The following DDX41 variants were observed in gnomAD, a reference collection of about 807,000 sequenced individuals.
DDX41 encodes probable ATP-dependent RNA helicase DDX41.
Under a neutral mutation model 78.8 loss-of-function variants are expected in DDX41, and 50 were observed. The observed-to-expected ratio is 0.63, with a 90% CI of 0.51 to 0.80. The LOEUF (loss-of-function observed/expected upper bound fraction) is 0.80. Ranked by LOEUF, DDX41 falls within the 30% of genes least tolerant of loss-of-function variation. DDX41 has a pLI of 0.00. For missense variants in DDX41, 633 were observed against 849.2 expected (o/e 0.75, Z 3.16); for synonymous variants, 381 against 321.5 (o/e 1.19, Z -1.98).
chr5:177,513,870 G>T lies in DDX41; in HGVS notation c.936-23C>A, dbSNP rs335439. 1.2e-6 allele frequency: 2 copies of T among 1,612,098 alleles called. No homozygotes were observed. The highest frequency in any genetic ancestry group is 1.3e-5 in the African/African-American group (1 of 74,992). Reference sequence around the variant, plus strand: ...CCGCTGGGGACCAAGGAGAGACCCTGAGGTTGGGGCCACTGGCCTATCACC... The same window carrying T: ...CCGCTGGGGACCAAGGAGAGACCCTTAGGTTGGGGCCACTGGCCTATCACC... On this transcript the variant is annotated intron_variant, in intron 9 of 16. Coordinates refer to ENST00000330503, the MANE Select transcript of DDX41 (RefSeq NM_016222.4). The surrounding 1 kb of genome is among the most constrained non-coding windows in gnomAD (Gnocchi z 4.6).
chr5:177,511,667 C>T lies in DDX41; in HGVS notation c.*124G>A. On this transcript the variant is annotated 3_prime_UTR_variant, in exon 17 of 17. Coordinates refer to ENST00000330503, the MANE Select transcript of DDX41 (RefSeq NM_016222.4). ...AGCACAGGGAACAGGCAGCCAGGACCAGCCTGGCCCATCCCAGGCCAGCTG... is the reference window on the plus strand; with the variant it reads ...AGCACAGGGAACAGGCAGCCAGGACTAGCCTGGCCCATCCCAGGCCAGCTG... The T allele has an allele frequency of 7.5e-6, 10 of 1,330,612 alleles. No individual in the cohort carries two copies. The highest frequency in any genetic ancestry group is 1.0e-5 in the Non-Finnish European group (10 of 954,500). 82.4% of individuals were successfully genotyped at this position (1,330,612 alleles called of 1,614,324 possible).
chr5:177,516,699 T>A, intron 2 of DDX41, 26 bp downstream of exon 2: 1 of 1,563,852 alleles, frequency 6.4e-7, no homozygotes, highest in Non-Finnish European at 8.7e-7. Context: ...CACGGCCCCA[T>A]CCCTCCCCGG....
intron 12 of DDX41, 28 bp downstream of exon 12, chr5:177,512,983 G>A (rs201683586): frequency 1.9e-4 from 308 of 1,612,712 alleles, no homozygotes; most frequent in Non-Finnish European, 2.5e-4. Flanking sequence ...TGGGGACTCT[G>A]GCCCCGGCCT....
At chr5:177,515,478 A>C in intron 6 of DDX41, 1 of 868,922 alleles carries the variant, frequency 1.2e-6, no homozygotes, top group Non-Finnish European at 1.8e-6. Flanking sequence ...GCCCAATGGC[A>C]CTTTCCTCCT....
In DDX41 at chr5:177,516,562, C is replaced by T. The variant is rs746561815; in HGVS notation, c.139-115G>A. The T allele has an allele frequency of 1.5e-5, 21 of 1,443,734 alleles. No homozygotes were observed. The South Asian group carries it at 2.3e-4, about 16-fold the overall frequency. 89.4% of individuals were successfully genotyped at this position (1,443,734 alleles called of 1,614,324 possible). ...GCCCGAGGCGCAAAGCTGCCCTACC[C>T]CTCAGATCAAGCCGTCGGTCCCTCG... is the stretch of plus-strand genomic sequence containing the variant. On this transcript the variant is annotated intron_variant, in intron 2 of 16. Transcript: ENST00000330503.
Position 177,512,999 on chromosome 5 carries a change from G to A in DDX41, c.1302+12C>T. ...GGGGACTCTGGCCCCGGCCTGGCCT[G>A]GCTGCACTCACAGGCGGGGGTGTCT... On this transcript the variant is annotated intron_variant, in intron 12 of 16. Coordinates refer to ENST00000330503, the MANE Select transcript of DDX41 (RefSeq NM_016222.4). 1.2e-6 allele frequency: 2 copies of A among 1,613,650 alleles called. No homozygotes were observed. Among genetic ancestry groups the A allele is most frequent in the East Asian group, 2.2e-5 (1 of 44,880 alleles).
rs534618428 is a variant in DDX41 at position 177,516,671 on chromosome 5, C to T, written c.138+54G>A. The T allele has an allele frequency of 4.6e-6, 7 of 1,529,470 alleles. No individual in the cohort carries two copies. In the East Asian group the frequency reaches 1.5e-4, roughly 32 times the overall value. The allele number at this position is 1,529,470 out of a possible 1,614,324, so 94.7% of individuals were successfully genotyped here. A position where few individuals can be genotyped will look rare whatever the true frequency, so the allele number is the denominator to read the frequency against. On this transcript the variant is annotated intron_variant, in intron 2 of 16. Transcript: ENST00000330503. ...CCACGGAGGCCGAGGCCACGCCCGC[C>T]CCCTGCGACCCCGCGGTCACGGCCC...
In DDX41 at chr5:177,511,943, CAG is replaced by C. The variant is rs751885147; in HGVS notation, c.1733-18_1733-17del. On this transcript the variant is annotated splice_polypyrimidine_tract_variant and intron_variant, in intron 16 of 16. Transcript: ENST00000330503. The stretch of plus-strand genomic sequence containing the variant: ...CCGCGCTCTCCTGGGGGAATGGGGA[CAG>C]GGGTCAGCCAAGTCAAGGACCAGGA... 39 of 1,613,134 alleles carry C rather than the reference CAG, an allele frequency of 2.4e-5. No homozygotes were observed. The highest frequency in any genetic ancestry group is 2.8e-5 in the Non-Finnish European group (33 of 1,179,950).
Position 177,513,703 on chromosome 5 carries a change from G to A in DDX41, c.1080C>T (p.Thr360=), listed in dbSNP as rs1561732420. Residue 360 remains threonine, a synonymous_variant, in exon 10 of 17, where the codon ACC becomes ACT. Coordinates refer to ENST00000330503, the MANE Select transcript of DDX41 (RefSeq NM_016222.4). The surrounding 1 kb of genome is among the most constrained non-coding windows in gnomAD (Gnocchi z 4.6). ...IDMGFEGDIR[T]IFSYFKGQRQ... The stretch of plus-strand genomic sequence containing the variant: ...GCGGCACCTTGAAGTAGGAGAAGAT[G>A]GTACGGATGTCACCCTCGAAGCCCA... 6.2e-7 allele frequency: 1 copy of A among 1,613,550 alleles called. No homozygotes were observed.
At chr5:177,516,543 G>C in intron 2 of DDX41, 96 bp from the exon 3 acceptor site, 1 of 1,512,282 alleles carries the variant, frequency 6.6e-7, no homozygotes, top group East Asian at 2.3e-5. Flanking sequence ...CTGTGCCCGA[G>C]GCGCAAAGCT....
rs140816118 is a variant in DDX41 at position 177,512,811 on chromosome 5, C to G, written c.1368G>C (p.Gly456=). 2.5e-6 allele frequency: 4 copies of G among 1,614,042 alleles called. No individual in the cohort carries two copies. The African/African-American group carries it at 4.0e-5, about 16-fold the overall frequency. ...CCCCATGGATGGCTACGGCCTCAACCCCCTTGAGCAGCAGGTACTCGTGGA... is the reference window on the plus strand; with the variant it reads ...CCCCATGGATGGCTACGGCCTCAACGCCCTTGAGCAGCAGGTACTCGTGGA... ...DAIHEYLLLK[G]VEAVAIHGGK... Residue 456 remains glycine (G), a synonymous_variant, in exon 13 of 17, where the codon GGG becomes GGC. Coordinates refer to ENST00000330503, the MANE Select transcript of DDX41 (RefSeq NM_016222.4).
In DDX41 at chr5:177,514,839, T is replaced by C; in HGVS notation, c.799-2A>G. On this transcript the variant is annotated splice_acceptor_variant, in intron 8 of 16. Transcript: ENST00000330503. LOFTEE classifies it high-confidence loss of function. This position sits in a 1 kb window ranked among gnomAD's most constrained non-coding sequence, Gnocchi z 4.2. ...ATGGGTCTGCCGGGCCAGCTCCCGCTGCAGGCAGAGGGACAAAGGCTGGCA... is the reference window on the plus strand; with the variant it reads ...ATGGGTCTGCCGGGCCAGCTCCCGCCGCAGGCAGAGGGACAAAGGCTGGCA... 6.2e-7 allele frequency: 1 copy of C among 1,611,218 alleles called. No individual in the cohort carries two copies. Among genetic ancestry groups the C allele is most frequent in the Non-Finnish European group, 8.5e-7 (1 of 1,178,532 alleles).
Position 177,512,529 on chromosome 5 carries a change from T to C in DDX41, c.1516A>G (p.Asn506Asp). ...TCAATCTCCTCTGGCATGTCATAAT[T>C]GATGACGTGCTGGATGGCAGGGAAG... ...LDFPAIQHVI[N>D]YDMPEEIENY... The change falls in exon 14 of 17, where the codon AAT becomes GAT. Residue 506 changes from asparagine to aspartate, a missense_variant. By Grantham distance (23) the Asn-to-Asp change is conservative. Around this residue, in one of 6 missense-constraint regions of DDX41, gnomAD observed 185 missense variants for 367.4 expected, o/e 0.50. Transcript: ENST00000330503. The C allele has an allele frequency of 1.9e-6, 3 of 1,614,178 alleles. No homozygotes were observed. Among genetic ancestry groups the C allele is most frequent in the Non-Finnish European group, 2.5e-6 (3 of 1,180,028 alleles).
Position 177,514,836 on chromosome 5 carries a change from C to T in DDX41, c.800G>A (p.Arg267Gln), listed in dbSNP as rs1000039111. 2 of 1,611,254 alleles carry T rather than the reference C, an allele frequency of 1.2e-6. No homozygotes were observed. The highest frequency in any genetic ancestry group is 1.7e-6 in the Non-Finnish European group (2 of 1,178,560). ...GCCATGGGTCTGCCGGGCCAGCTCC[C>T]GCTGCAGGCAGAGGGACAAAGGCTG... ...GPYGLIICPS[R>Q]ELARQTHGIL... Residue 267 changes from arginine (R) to glutamine (Q), a missense_variant and splice_region_variant, in exon 9 of 17, where the codon CGG becomes CAG. Physicochemically the swap from Arg to Gln is conservative, Grantham distance 43 (BLOSUM62 1). Transcript: ENST00000330503. This position sits in a 1 kb window ranked among gnomAD's most constrained non-coding sequence, Gnocchi z 4.2.
At chr5:177,515,899 C>T in intron 5 of DDX41, 30 bp downstream of exon 5, 3 of 1,614,176 alleles carry the variant, frequency 1.9e-6, no homozygotes, top group Non-Finnish European at 1.7e-6. Flanking sequence ...CCATCCTAAG[C>T]AAGGGCAACT....
chr5:177,516,295 C>T lies in DDX41; in HGVS notation c.291G>A (p.Lys97=), dbSNP rs141619153. Residue 97 remains lysine, a synonymous_variant, in exon 3 of 17, where the codon AAG becomes AAA. Transcript: ENST00000330503. Reference sequence around the variant, plus strand: ...CAGTGCTGCCCAGCCCACCTTCAGCCTTCTCTTTAAGGTGCTGGTGCTGAT... The same window carrying T: ...CAGTGCTGCCCAGCCCACCTTCAGCTTTCTCTTTAAGGTGCTGGTGCTGAT... ...LLDQHQHLKE[K]AEARKESAKE... is the part of the protein sequence containing the mutation. The T allele has an allele frequency of 3.1e-4, 497 of 1,614,204 alleles. No individual in the cohort carries two copies. Among genetic ancestry groups the T allele is most frequent in the Non-Finnish European group, 3.9e-4 (461 of 1,180,038 alleles).
chr5:177,514,660 G>C lies in DDX41; in HGVS notation c.935+41C>G. 1 of 1,587,388 alleles carries C rather than the reference G, an allele frequency of 6.3e-7. No homozygotes were observed. The highest frequency in any genetic ancestry group is 1.3e-5 in the African/African-American group (1 of 74,528). ...GGTCCTTTAGCTTTTCCACAGACTC[G>C]CAGGTGGCAGAGGTGGGGGGCAGGG... is the stretch of plus-strand genomic sequence containing the variant. On this transcript the variant is annotated intron_variant, in intron 9 of 16. Transcript: ENST00000330503. The surrounding 1 kb of genome is among the most constrained non-coding windows in gnomAD (Gnocchi z 4.2).
rs770356105 is a variant in DDX41, at chr5:177,516,325, G to C, written c.261C>G (p.Leu87=). 5.0e-6 allele frequency: 8 copies of C among 1,614,172 alleles called. No homozygotes were observed. Among genetic ancestry groups the C allele is most frequent in the Non-Finnish European group, 6.8e-6 (8 of 1,180,034 alleles). ...CTTTAAGGTGCTGGTGCTGATCCAG[G>C]AGGCTGACGTTGGACTGAGGGCCTA... ...IPLGPQSNVS[L]LDQHQHLKEK... is the part of the protein sequence containing the mutation. Residue 87 remains leucine (L), a synonymous_variant, in exon 3 of 17, where the codon CTC becomes CTG. Coordinates refer to ENST00000330503, the MANE Select transcript of DDX41 (RefSeq NM_016222.4).
In DDX41 at chr5:177,514,634, G is replaced by C. The variant is rs1164038104; in HGVS notation, c.935+67C>G. 2 of 1,553,060 alleles carry C rather than the reference G, an allele frequency of 1.3e-6. No individual in the cohort carries two copies. The highest frequency in any genetic ancestry group is 1.7e-6 in the Non-Finnish European group (2 of 1,149,496). On this transcript the variant is annotated intron_variant, in intron 9 of 16. Coordinates refer to ENST00000330503, the MANE Select transcript of DDX41 (RefSeq NM_016222.4). The surrounding 1 kb of genome is among the most constrained non-coding windows in gnomAD (Gnocchi z 4.2). ...AGATCTGTGGAGTGGCTAAGGTAAA[G>C]GGTCCTTTAGCTTTTCCACAGACTC...
Sources: allele counts gnomAD v4.1 joint callset, GRCh38; gene constraint gnomAD v4.1.1; regional missense constraint gnomAD v4.1.1; non-coding constraint Gnocchi (gnomAD v3.1); transcripts MANE v1.5; gene names NCBI Gene and HGNC (gene_info 2026-07-23, HGNC 2026-07-21).